The following LYSMD2 variants were observed in gnomAD, a reference collection of about 807,000 sequenced individuals.
The protein encoded by LYSMD2 is lysM and putative peptidoglycan-binding domain-containing protein 2.
Under a neutral mutation model 17.7 loss-of-function variants are expected in LYSMD2, and 6 were observed. The observed-to-expected ratio is 0.34, with a 90% CI of 0.19 to 0.67. The LOEUF (loss-of-function observed/expected upper bound fraction) is 0.67. LYSMD2 is among the 30% of genes least tolerant of loss of function. LYSMD2 has a pLI of 0.69. For synonymous variants in LYSMD2, 102 were observed against 129.8 expected (o/e 0.79, Z 1.45); for missense variants, 237 against 286.7 (o/e 0.83, Z 1.25).
chr15:51,730,076 A>C (rs2055566882), intron 1 of LYSMD2, among the ~76,000 whole-genome samples: 1 of 152,242 alleles, frequency 6.6e-6, no homozygotes, highest in African/African-American at 2.4e-5. Context: ...TAACTCAATG[A>C]AATATGAATT....
intron 1 of LYSMD2, among the ~76,000 whole-genome samples, chr15:51,748,290 A>G (rs2055678753): frequency 7.7e-6 from 1 of 129,230 alleles, no homozygotes; most frequent in Non-Finnish European, 1.6e-5. Flanking sequence ...AAAAAAAAAG[A>G]TGAAGAAAAT....
Position 51,737,474 on chromosome 15 carries a change from C to T in LYSMD2, c.149G>A (p.Arg50His). The T allele has an allele frequency of 7.0e-7, 1 of 1,420,840 alleles. No individual in the cohort carries two copies. Among genetic ancestry groups the T allele is most frequent in the Non-Finnish European group, 9.2e-7 (1 of 1,089,740 alleles). The allele number at this position is 1,420,840 out of a possible 1,614,324, so 88.0% of individuals were successfully genotyped here. A position where few individuals can be genotyped will look rare whatever the true frequency, so the allele number is the denominator to read the frequency against. Residue 50 changes from arginine to histidine, a missense_variant, in exon 1 of 3, where the codon CGC (arginine) becomes CAC (histidine). By Grantham distance (29) the Arg-to-His change is conservative (BLOSUM62 0). Transcript: ENST00000267838. This position sits in a 1 kb window ranked among gnomAD's most constrained non-coding sequence, Gnocchi z 4.2. Reference protein sequence around the residue: ...LSLSLARTKTRSYGSTASVRA... With the variant: ...LSLSLARTKTHSYGSTASVRA... ...CACGCTGGCGGTGCTGCCGTACGAG[C>T]GGGTCTTGGTGCGGGCCAGGCTCAG...
At chr15:51,738,336 T>G (rs2055626273), upstream of LYSMD2, among the ~76,000 whole-genome samples, 1 of 152,148 alleles carries the variant, frequency 6.6e-6, no homozygotes, top group Admixed American at 6.6e-5. Flanking sequence ...TTTCACACTT[T>G]GTACACTAGT....
chr15:51,741,991 C>T (rs1335522493), upstream of LYSMD2, among the ~76,000 whole-genome samples: 1 of 150,420 alleles, frequency 6.6e-6, no homozygotes, highest in Non-Finnish European at 1.5e-5. Context: ...TGTTATGCAA[C>T]TATCACCACT....
At chr15:51,741,700 G>A (rs4775970), upstream of LYSMD2, among the ~76,000 whole-genome samples, 1,860 of 152,110 alleles carry the variant, frequency 0.012, 51 homozygotes, top group Non-Finnish European at 0.011. Context: ...CAGGTGGATC[G>A]CTTAAGGCCA....
At chr15:51,728,979 C>T (rs928115333) in intron 1 of LYSMD2, among the ~76,000 whole-genome samples, 1 of 152,194 alleles carries the variant, frequency 6.6e-6, no homozygotes, top group Non-Finnish European at 1.5e-5. Context: ...TTTGAGATGT[C>T]ACAAAAGGCT....
At chr15:51,741,100 A>T (rs181040353), upstream of LYSMD2, among the ~76,000 whole-genome samples, 15 of 152,360 alleles carry the variant, frequency 9.8e-5, no homozygotes, top group Non-Finnish European at 1.8e-4. Context: ...CTGAGGAAGA[A>T]TTAGGAAGGA....
intron 1 of LYSMD2, among the ~76,000 whole-genome samples, chr15:51,748,135 G>A (rs1170563501): frequency 2.6e-5 from 4 of 151,928 alleles, no homozygotes; most frequent in Non-Finnish European, 5.9e-5. Context: ...GGCGGGTGTA[G>A]TGGCAGCACC....
intron 1 of LYSMD2, among the ~76,000 whole-genome samples, chr15:51,745,916 T>C: frequency 6.6e-6 from 1 of 152,160 alleles, no homozygotes; most frequent in Non-Finnish European, 1.5e-5. Context: ...CCACTGCATA[T>C]TAACTAGGAT....
At chr15:51,741,223 G>T (rs7163176), upstream of LYSMD2, among the ~76,000 whole-genome samples, 2 of 152,024 alleles carry the variant, frequency 1.3e-5, no homozygotes, top group African/African-American at 4.8e-5. Flanking sequence ...CAGCAAACAG[G>T]TTCACATATA....
At chr15:51,748,254 T>C (rs1595856224) in intron 1 of LYSMD2, among the ~76,000 whole-genome samples, 3 of 70,286 alleles carry the variant, frequency 4.3e-5, no homozygotes, top group Admixed American at 2.4e-4. Flanking sequence ...AGAACAAGAC[T>C]CCGTCTCAAA....
intron 1 of LYSMD2, among the ~76,000 whole-genome samples, chr15:51,733,038 A>C (rs1218194381): frequency 1.3e-5 from 2 of 152,222 alleles, no homozygotes; most frequent in Admixed American, 1.3e-4. Flanking sequence ...AATGGTCTTC[A>C]AGGTCCAAAG....
intron 1 of LYSMD2, among the ~76,000 whole-genome samples, chr15:51,733,249 C>A (rs556195908): frequency 6.6e-6 from 1 of 151,812 alleles, no homozygotes; most frequent in East Asian, 1.9e-4. Flanking sequence ...ATTTTAAATT[C>A]CAGCCATCTC....
At chr15:51,731,101 G>A (rs940414344) in intron 1 of LYSMD2, among the ~76,000 whole-genome samples, 1 of 152,210 alleles carries the variant, frequency 6.6e-6, no homozygotes, top group Admixed American at 6.5e-5. Flanking sequence ...TGAGAGGAAT[G>A]GATGGGCATG....
At position 51,737,267 on chromosome 15, in the gene LYSMD2, C is replaced by CGG; in HGVS notation, c.273+82_273+83insCC. 1 of 768,380 alleles carries CGG rather than the reference C, an allele frequency of 1.3e-6. No individual in the cohort carries two copies. Among genetic ancestry groups the CGG allele is most frequent in the South Asian group, 3.5e-5 (1 of 28,984 alleles). 47.6% of individuals were successfully genotyped at this position (768,380 alleles called of 1,614,324 possible). A position where few individuals can be genotyped will look rare whatever the true frequency, so the allele number is the denominator to read the frequency against. On this transcript the variant is annotated intron_variant, in intron 1 of 2. Transcript: ENST00000267838. This position sits in a 1 kb window ranked among gnomAD's most constrained non-coding sequence, Gnocchi z 4.2. ...CCCCAAACCCCCACCCGCAGTCCCA[C>CGG]CCCCACCCCCACCGCACCCCGAGCC...
chr15:51,748,171 G>A (rs2055677630), intron 1 of LYSMD2, among the ~76,000 whole-genome samples: 2 of 149,382 alleles, frequency 1.3e-5, no homozygotes, highest in South Asian at 2.1e-4. Context: ...TCAGGAGGCT[G>A]AGGCAGGGGA....
In LYSMD2 at chr15:51,737,362, C is replaced by T. The variant is rs936844118; in HGVS notation, c.261G>A (p.Lys87=). Residue 87 remains lysine (K), a synonymous_variant, in exon 1 of 3, where the codon AAG becomes AAA. Transcript: ENST00000267838. This position sits in a 1 kb window ranked among gnomAD's most constrained non-coding sequence, Gnocchi z 4.2. ...GCGCCCTGCTCACCGTGACACCGTACTTGAGCGCGATGCCCTGCAGCGTGT... is the reference window on the plus strand; with the variant it reads ...GCGCCCTGCTCACCGTGACACCGTATTTGAGCGCGATGCCCTGCAGCGTGT... ...AGDTLQGIAL[K]YGVTMEQIKR... The T allele has an allele frequency of 1.1e-5, 16 of 1,446,976 alleles. No homozygotes were observed. In the African/African-American group the frequency reaches 2.2e-4, roughly 20 times the overall value. The allele number at this position is 1,446,976 out of a possible 1,614,324, so 89.6% of individuals were successfully genotyped here. A position where few individuals can be genotyped will look rare whatever the true frequency, so the allele number is the denominator to read the frequency against.
At chr15:51,741,223 G>A (rs7163176), upstream of LYSMD2, among the ~76,000 whole-genome samples, 72,885 of 152,096 alleles carry the variant, frequency 0.48, 17,726 homozygotes, top group Admixed American at 0.55. Flanking sequence ...CAGCAAACAG[G>A]TTCACATATA....
chr15:51,733,664 G>T (rs1246103408), intron 1 of LYSMD2, among the ~76,000 whole-genome samples: 1 of 152,116 alleles, frequency 6.6e-6, no homozygotes, highest in Non-Finnish European at 1.5e-5. Flanking sequence ...ATGAAAATGT[G>T]AGGCCCTTGT....
Sources: allele counts gnomAD v4.1 joint callset (sites outside exome capture counted in the v4.1 genomes callset), GRCh38; gene constraint gnomAD v4.1.1; non-coding constraint Gnocchi (gnomAD v3.1); transcripts MANE v1.5; gene names NCBI Gene and HGNC (gene_info 2026-07-23, HGNC 2026-07-21).